Variants in VCAN observed in about 807,000 individuals in gnomAD.
VCAN encodes the protein versican.
A neutral mutation model predicts 245.5 loss-of-function variants in VCAN; 44 were observed. That is an observed-to-expected ratio of 0.18 (90% confidence interval 0.14 to 0.23). The LOEUF (loss-of-function observed/expected upper bound fraction) is 0.23. Ranked by LOEUF, VCAN falls within the 10% of genes least tolerant of loss-of-function variation. The probability of loss-of-function intolerance (pLI) is 1.00; values close to 1 mark genes in which losing one functional copy is unlikely to be tolerated. For synonymous variants in VCAN, 1,413 were observed against 1,437.0 expected, an observed-to-expected ratio of 0.98 and a Z score of 0.38; for missense variants, 3,793 against 4,057.9, an observed-to-expected ratio of 0.93 and a Z score of 1.77.
intron 5 of VCAN, among the ~76,000 whole-genome samples, chr5:83,504,325 G>C (rs74917570): frequency 6.6e-6 from 1 of 151,392 alleles, no homozygotes; most frequent in African/African-American, 2.4e-5. Flanking sequence ...GAAAGGCTCT[G>C]TTGTATATCA....
chr5:83,504,309 A>C (rs547909099), intron 5 of VCAN, among the ~76,000 whole-genome samples: 5 of 152,200 alleles, frequency 3.3e-5, no homozygotes, highest in South Asian at 4.1e-4. Flanking sequence ...AAATTATCCT[A>C]TTCATGAAAG....
rs757945772 is a variant in VCAN, at chr5:83,520,911, A to G, written c.2605A>G (p.Thr869Ala). 2 of 1,614,180 alleles carry G rather than the reference A, an allele frequency of 1.2e-6. No homozygotes were observed. Among genetic ancestry groups the G allele is most frequent in the Admixed American group, 3.3e-5 (2 of 60,028 alleles). The change falls in exon 7 of 15, where the codon ACT becomes GCT. Residue 869 changes from threonine to alanine, a missense_variant. Physicochemically the swap from Thr to Ala is moderately conservative, Grantham distance 58. Transcript: ENST00000265077. Reference protein sequence around the residue: ...DSTQKQLEEVTDEDIAAHGKF... With the variant: ...DSTQKQLEEVADEDIAAHGKF... ...TACTCAAAAGCAGTTAGAGGAGGTT[A>G]CTGATGAAGACATAGCAGCCCATGG... is the stretch of plus-strand genomic sequence containing the variant.
rs1245341585 is a variant in VCAN, at chr5:83,538,089, C to G, written c.5086C>G (p.Pro1696Ala). 16 of 1,613,898 alleles carry G rather than the reference C, an allele frequency of 9.9e-6. No homozygotes were observed. Among genetic ancestry groups the G allele is most frequent in the Non-Finnish European group, 1.4e-5 (16 of 1,179,976 alleles). The change falls in exon 8 of 15, where the codon CCT becomes GCT. Residue 1696 changes from proline to alanine, a missense_variant. This residue lies in a region of VCAN where 3,182 missense variants were observed against 3,250.3 expected (regional missense o/e 0.98). Coordinates refer to ENST00000265077, the MANE Select transcript of VCAN (RefSeq NM_004385.5). ...CACCATTTATCCAGTTTCTGAACAA[C>G]CTTCTGCAAAAGTGGTGCCTACCAA... is the stretch of plus-strand genomic sequence containing the variant. ...ATTIYPVSEQ[P>A]SAKVVPTKFV... is the part of the protein sequence containing the mutation.
chr5:83,477,318 GT>G (rs577183687), intron 1 of VCAN, among the ~76,000 whole-genome samples: 22 of 152,174 alleles, frequency 1.4e-4, no homozygotes, highest in Admixed American at 9.8e-4. Flanking sequence ...GGGGCATATT[GT>G]TTTAAAAATT....
chr5:83,562,672 A>AAAAT (rs1554042785), intron 12 of VCAN, among the ~76,000 whole-genome samples: 12 of 146,526 alleles, frequency 8.2e-5, no homozygotes, highest in African/African-American at 2.7e-4. Flanking sequence ...AAAAAAAAAA[A>AAAAT]ATATATTGAA....
chr5:83,520,077 C>T lies in VCAN; in HGVS notation c.1771C>T (p.His591Tyr), dbSNP rs748437265. The T allele has an allele frequency of 2.5e-6, 4 of 1,614,050 alleles. No individual in the cohort carries two copies. Among genetic ancestry groups the T allele is most frequent in the Non-Finnish European group, 2.5e-6 (3 of 1,179,960 alleles). Residue 591 changes from histidine to tyrosine, a missense_variant, in exon 7 of 15, where the codon CAC becomes TAC. Coordinates refer to ENST00000265077, the MANE Select transcript of VCAN (RefSeq NM_004385.5). The part of the protein sequence containing the change: ...TVSKTSEDTI[H>Y]THLEDLESVS... Reference sequence around the variant, plus strand: ...GTCAAAGACTTCAGAAGACACCATCCACACTCATTTAGAAGACTTGGAGTC... The same window carrying T: ...GTCAAAGACTTCAGAAGACACCATCTACACTCATTTAGAAGACTTGGAGTC...
chr5:83,521,262 T>A lies in VCAN; in HGVS notation c.2956T>A (p.Leu986Ile). ...AATTCCCAAGACAGACTGGGGAGTG[T>A]TAGTACCTTCTGTTCCATCAGAAGA... The part of the protein sequence containing the change: ...SVIPKTDWGV[L>I]VPSVPSEDEV... Residue 986 changes from leucine (L) to isoleucine (I), a missense_variant, in exon 7 of 15, where the codon TTA (leucine) becomes ATA (isoleucine). Leu to Ile is a conservative substitution (Grantham distance 5, BLOSUM62 2). Coordinates refer to ENST00000265077, the MANE Select transcript of VCAN (RefSeq NM_004385.5). The A allele has an allele frequency of 6.2e-7, 1 of 1,614,096 alleles. No individual in the cohort carries two copies. The highest frequency in any genetic ancestry group is 2.2e-5 in the East Asian group (1 of 44,874).
At chr5:83,488,436 A>T (rs1410981690) in intron 2 of VCAN, among the ~76,000 whole-genome samples, 2 of 152,180 alleles carry the variant, frequency 1.3e-5, no homozygotes, top group Non-Finnish European at 2.9e-5. Context: ...AGGTGTCAGG[A>T]GACATGTGTT....
rs1746066827 is a variant in VCAN at position 83,520,944 on chromosome 5, A to G, written c.2638A>G (p.Thr880Ala). The G allele has an allele frequency of 6.2e-7, 1 of 1,614,160 alleles. No individual in the cohort carries two copies. ...DEDIAAHGKF[T>A]IRFQPTTSTG... ...AGACATAGCAGCCCATGGAAAATTC[A>G]CAATTAGATTTCAGCCAACTACATC... The change falls in exon 7 of 15, where the codon ACA becomes GCA. Residue 880 changes from threonine to alanine, a missense_variant. This residue lies in a region of VCAN where 3,182 missense variants were observed against 3,250.3 expected (regional missense o/e 0.98). Coordinates refer to ENST00000265077, the MANE Select transcript of VCAN (RefSeq NM_004385.5).
At chr5:83,564,597 C>T (rs961378642) in intron 12 of VCAN, among the ~76,000 whole-genome samples, 5 of 151,962 alleles carry the variant, frequency 3.3e-5, no homozygotes, top group Admixed American at 2.6e-4. Context: ...ACTTTATACA[C>T]AATAGTAGAA....
chr5:83,563,893 C>T (rs968880223), intron 12 of VCAN, among the ~76,000 whole-genome samples: 5 of 152,136 alleles, frequency 3.3e-5, no homozygotes, highest in African/African-American at 7.2e-5. Context: ...TCTGACCTCT[C>T]CTAAGGATTT....
At chr5:83,548,423 T>C (rs1315306438) in intron 10 of VCAN, among the ~76,000 whole-genome samples, 3 of 152,188 alleles carry the variant, frequency 2.0e-5, no homozygotes, top group Non-Finnish European at 2.9e-5. Flanking sequence ...GTTTTTATTT[T>C]CTCCTCCTAA....
chr5:83,536,890 G>T, intron 7 of VCAN, 117 bp from the exon 8 acceptor site: 1 of 834,198 alleles, frequency 1.2e-6, no homozygotes, highest in South Asian at 2.0e-5. Flanking sequence ...CACTTATTAT[G>T]AAAAGATTTG....
chr5:83,548,187 T>G (rs1747309239), intron 10 of VCAN, 103 bp downstream of exon 10: 1 of 839,758 alleles, frequency 1.2e-6, no homozygotes, highest in African/African-American at 1.7e-5. Flanking sequence ...TCACATTTCC[T>G]TAGGTTTCCT....
In VCAN at chr5:83,518,970, A is replaced by C. The variant is rs547635308; in HGVS notation, c.1043-379A>C. On this transcript the variant is annotated intron_variant, in intron 6 of 14. Transcript: ENST00000265077. ...GTACTAAATTCTCCTGCGAGGCTTCAAGTTGACGCTGTAGTTTCTGGTAAA... is the reference window on the plus strand; with the variant it reads ...GTACTAAATTCTCCTGCGAGGCTTCCAGTTGACGCTGTAGTTTCTGGTAAA... Among the ~76,000 whole-genome samples the C allele has an allele frequency of 4.6e-5, 7 of 152,320 alleles. No homozygotes were observed. The South Asian group carries it at 1.4e-3, about 32-fold the overall frequency.
At chr5:83,525,712 G>A (rs1475346426) in intron 7 of VCAN, among the ~76,000 whole-genome samples, 2 of 152,088 alleles carry the variant, frequency 1.3e-5, no homozygotes, top group South Asian at 2.1e-4. Context: ...AAATGTATGT[G>A]TGCAGGTGAA....
chr5:83,520,206 G>A lies in VCAN; in HGVS notation c.1900G>A (p.Glu634Lys). Residue 634 changes from glutamate to lysine, a missense_variant, in exon 7 of 15, where the codon GAG (glutamate) becomes AAG (lysine). Glu to Lys is a moderately conservative substitution (Grantham distance 56). Around this residue, in one of 5 missense-constraint regions of VCAN, gnomAD observed 3,182 missense variants for 3,250.3 expected, o/e 0.98. Coordinates refer to ENST00000265077, the MANE Select transcript of VCAN (RefSeq NM_004385.5). Reference sequence around the variant, plus strand: ...ACAAACTAGTGGTAGGATAACGGAAGAGTTTCTTGGCAAATATCTGTCTAC... The same window carrying A: ...ACAAACTAGTGGTAGGATAACGGAAAAGTTTCTTGGCAAATATCTGTCTAC... ...ERQTSGRITE[E>K]FLGKYLSTTP... 1 of 1,614,002 alleles carries A rather than the reference G, an allele frequency of 6.2e-7. No homozygotes were observed. Among genetic ancestry groups the A allele is most frequent in the Non-Finnish European group, 8.5e-7 (1 of 1,179,962 alleles).
intron 5 of VCAN, among the ~76,000 whole-genome samples, chr5:83,506,376 T>C (rs1157501821): frequency 6.6e-6 from 1 of 152,168 alleles, no homozygotes; most frequent in East Asian, 1.9e-4. Context: ...AAATCATCTT[T>C]CTCAAGTTCA....
chr5:83,500,485 G>T (rs372913951), intron 5 of VCAN, among the ~76,000 whole-genome samples: 10 of 152,270 alleles, frequency 6.6e-5, no homozygotes, highest in African/African-American at 2.4e-4. Flanking sequence ...TGAGTGTGAG[G>T]TAGTTTCATG....
Sources: gnomAD v4.1 joint callset for allele counts (sites outside exome capture counted in the v4.1 genomes callset) on GRCh38, gnomAD v4.1.1 for gene constraint, gnomAD v4.1.1 regional missense constraint, MANE v1.5 for transcripts, NCBI Gene and HGNC (gene_info 2026-07-23, HGNC 2026-07-21) for gene names.